STK32B: variants seen among roughly 807,000 people sequenced by gnomAD.
STK32B encodes the protein serine/threonine-protein kinase 32B.
STK32B carries 43 observed loss-of-function variants against 52.6 expected under a neutral mutation model. The ratio of observed to expected loss-of-function variants is 0.82; its 90% CI spans 0.64 to 1.05. The LOEUF (loss-of-function observed/expected upper bound fraction) is 1.05, where lower values mean the gene tolerates loss of function less well. Ranked by LOEUF, STK32B falls within the 50% of genes least tolerant of loss-of-function variation. The probability of loss-of-function intolerance (pLI) is 0.00; values close to 1 mark genes in which losing one functional copy is unlikely to be tolerated. For synonymous variants in STK32B, 238 were observed against 204.3 expected (o/e 1.17, Z -1.41); for missense variants, 621 against 534.6 (o/e 1.16, Z -1.59).
chr4:5,368,541 C>G (rs1003517074), intron 4 of STK32B, among the ~76,000 whole-genome samples: 1 of 152,138 alleles, frequency 6.6e-6, no homozygotes, highest in Non-Finnish European at 1.5e-5. Flanking sequence ...TACTATTATT[C>G]CTAATTATAA....
intron 1 of STK32B, among the ~76,000 whole-genome samples, chr4:5,077,874 G>T (rs1307823758): frequency 6.6e-6 from 1 of 152,080 alleles, no homozygotes. Flanking sequence ...TCAGGTAATA[G>T]AAAAGGCAAC....
chr4:5,166,759 T>A (rs1438953315), intron 2 of STK32B, among the ~76,000 whole-genome samples: 1 of 151,832 alleles, frequency 6.6e-6, no homozygotes, highest in Admixed American at 6.6e-5. Context: ...GTTGTTTAAA[T>A]CCCCCAGTTT....
chr4:5,443,830 T>C, intron 6 of STK32B, among the ~76,000 whole-genome samples: 1 of 152,156 alleles, frequency 6.6e-6, no homozygotes, highest in Admixed American at 6.5e-5. Flanking sequence ...GACAGGACCC[T>C]CAGCTGCAGG....
At chr4:5,418,557 G>A (rs540441504) in intron 6 of STK32B, among the ~76,000 whole-genome samples, 21 of 152,298 alleles carry the variant, frequency 1.4e-4, no homozygotes, top group South Asian at 2.1e-4. Flanking sequence ...ATGGAAGAAG[G>A]AGGCCTTAGG....
At chr4:5,078,574 G>C in intron 1 of STK32B, among the ~76,000 whole-genome samples, 1 of 152,174 alleles carries the variant, frequency 6.6e-6, no homozygotes, top group East Asian at 1.9e-4. Flanking sequence ...GAACCTGTCT[G>C]AGCTCCAGAT....
intron 2 of STK32B, among the ~76,000 whole-genome samples, chr4:5,145,434 C>G (rs1388121623): frequency 6.6e-6 from 1 of 152,186 alleles, no homozygotes; most frequent in Non-Finnish European, 1.5e-5. Flanking sequence ...ATAAATGCAT[C>G]TGAGTAACCT....
chr4:5,322,495 G>C (rs866667365), intron 3 of STK32B, among the ~76,000 whole-genome samples: 1 of 152,182 alleles, frequency 6.6e-6, no homozygotes, highest in African/African-American at 2.4e-5. Flanking sequence ...CACAGGAGAT[G>C]AGTGTTGTAG....
At chr4:5,022,318 G>A in the STK32B span, among the ~76,000 whole-genome samples, 1 of 152,120 alleles carries the variant, frequency 6.6e-6, no homozygotes, top group African/African-American at 2.4e-5. Context: ...GTGACTACTC[G>A]TGTTACTCAG....
chr4:5,463,792 G>A (rs564408647), intron 9 of STK32B, among the ~76,000 whole-genome samples: 43 of 152,248 alleles, frequency 2.8e-4, no homozygotes, highest in South Asian at 1.5e-3. Flanking sequence ...CTCTTCCGGG[G>A]ATCCCTTCCT....
chr4:5,412,613 A>C (rs1469911413), intron 5 of STK32B, among the ~76,000 whole-genome samples: 1 of 152,180 alleles, frequency 6.6e-6, no homozygotes, highest in African/African-American at 2.4e-5. Context: ...ATCAGCCTTG[A>C]GACCTTGGCC....
Position 5,264,628 on chromosome 4 carries a change from T to TA in STK32B, c.261-66582dup, listed in dbSNP as rs550935985. On this transcript the variant is annotated intron_variant, in intron 3 of 11. Transcript: ENST00000282908. ...AATGAAACCCTGTCTCTACTAAAAA[T>TA]AAAAAAAAAATAGCCGGGCATGGTG... Among the ~76,000 whole-genome samples, 75 of 137,332 alleles carry TA rather than the reference T, an allele frequency of 5.5e-4. No individual in the cohort carries two copies. The South Asian group carries it at 5.6e-3, about 10-fold the overall frequency. The allele number at this position is 137,332 out of a possible 152,430, so 90.1% of individuals were successfully genotyped here.
At chr4:5,048,819 T>C (rs762167553), upstream of STK32B, among the ~76,000 whole-genome samples, 1 of 152,250 alleles carries the variant, frequency 6.6e-6, no homozygotes, top group Admixed American at 6.5e-5. Flanking sequence ...AGAGTGGGGA[T>C]GGTGACACAC....
chr4:5,040,423 C>T, the STK32B span, among the ~76,000 whole-genome samples: 1 of 128,944 alleles, frequency 7.8e-6, no homozygotes, highest in Non-Finnish European at 1.5e-5. Flanking sequence ...GAGACGAAGT[C>T]TCGCTGTGTC....
At chr4:5,185,309 G>T (rs1026286849) in intron 3 of STK32B, among the ~76,000 whole-genome samples, 1 of 152,176 alleles carries the variant, frequency 6.6e-6, no homozygotes, top group Non-Finnish European at 1.5e-5. Flanking sequence ...GATGAGAACA[G>T]ATGTCAGAAG....
At chr4:5,128,712 A>C (rs1025015540) in intron 1 of STK32B, among the ~76,000 whole-genome samples, 3 of 152,294 alleles carry the variant, frequency 2.0e-5, no homozygotes, top group East Asian at 1.9e-4. Context: ...GTGGAGGAAA[A>C]GTCTCTTCTG....
At chr4:5,197,457 G>C (rs980583188) in intron 3 of STK32B, among the ~76,000 whole-genome samples, 1 of 152,340 alleles carries the variant, frequency 6.6e-6, no homozygotes, top group African/African-American at 2.4e-5. Flanking sequence ...CAGTCCTTCA[G>C]TCTGTTCCTC....
At chr4:5,049,115 C>T (rs999629570), upstream of STK32B, among the ~76,000 whole-genome samples, 3 of 152,198 alleles carry the variant, frequency 2.0e-5, no homozygotes, top group African/African-American at 7.2e-5. Flanking sequence ...CACCAGTAGC[C>T]TCCTTTCTTC....
At position 5,399,168 on chromosome 4, in the gene STK32B, C is replaced by CAGGAG. The variant is rs1737121799; in HGVS notation, c.472+927_472+928insAGAGG. ...AAAACTAAATTCACTGGCATTGCTTCAGGGGCCCGTCTCTCAGGGCCTAAC... is the reference window on the plus strand; with the variant it reads ...AAAACTAAATTCACTGGCATTGCTTCAGGAGAGGGGCCCGTCTCTCAGGGCCTAAC... On this transcript the variant is annotated intron_variant, in intron 5 of 11. Coordinates refer to ENST00000282908, the MANE Select transcript of STK32B (RefSeq NM_018401.3). The surrounding 1 kb of genome is among the most constrained non-coding windows in gnomAD (Gnocchi z 5.4). Among the ~76,000 whole-genome samples the CAGGAG allele has an allele frequency of 6.6e-6, 1 of 152,194 alleles. No individual in the cohort carries two copies. Among genetic ancestry groups the CAGGAG allele is most frequent in the African/African-American group, 2.4e-5 (1 of 41,450 alleles).
At chr4:5,445,796 G>T (rs1011159404) in intron 6 of STK32B, among the ~76,000 whole-genome samples, 2 of 152,072 alleles carry the variant, frequency 1.3e-5, no homozygotes, top group African/African-American at 4.8e-5. Context: ...AAGGAAAACC[G>T]GTACCCATGA....
Sources: gnomAD v4.1 joint callset for allele counts (sites outside exome capture counted in the v4.1 genomes callset) on GRCh38, gnomAD v4.1.1 for gene constraint, Gnocchi (gnomAD v3.1) non-coding constraint, MANE v1.5 for transcripts, NCBI Gene and HGNC (gene_info 2026-07-23, HGNC 2026-07-21) for gene names.